DIP2B: variants seen among roughly 807,000 people sequenced by gnomAD.
DIP2B encodes the protein DIP2 acetate--CoA ligase B (putative), also known as disco-interacting protein 2 homolog B.
DIP2B carries 76 observed loss-of-function variants against 198.0 expected under a neutral mutation model. The observed-to-expected ratio is 0.38, with a 90% CI of 0.32 to 0.46. The LOEUF is 0.46. Among genes scored for constraint, DIP2B ranks in the 20% least tolerant of loss-of-function variants. DIP2B has a pLI of 0.99. For synonymous variants in DIP2B, 701 were observed against 739.1 expected (o/e 0.95, Z 0.84); for missense variants, 1,559 against 1,978.4 (o/e 0.79, Z 4.02).
Position 50,745,091 on chromosome 12 carries a change from C to T in DIP2B, c.*252C>T. 2 of 481,908 alleles carry T rather than the reference C, an allele frequency of 4.2e-6. No individual in the cohort carries two copies. Among genetic ancestry groups the T allele is most frequent in the Middle Eastern group, 5.6e-4 (1 of 1,772 alleles). 29.9% of individuals were successfully genotyped at this position (481,908 alleles called of 1,614,324 possible). The stretch of plus-strand genomic sequence containing the variant: ...GAGCAGCACATTACTAAAGCAATTA[C>T]ATGCATGTTGCATTTTTTTCATCTG... On this transcript the variant is annotated 3_prime_UTR_variant, in exon 38 of 38. Coordinates refer to ENST00000301180, the MANE Select transcript of DIP2B (RefSeq NM_173602.3).
chr12:50,560,541 A>G (rs192011640), intron 1 of DIP2B, among the ~76,000 whole-genome samples: 18 of 151,922 alleles, frequency 1.2e-4, no homozygotes, highest in Non-Finnish European at 2.6e-4. Flanking sequence ...CTGGGCAACA[A>G]GAGTGAAACT....
At chr12:50,657,716 G>A (rs1225643330) in intron 3 of DIP2B, among the ~76,000 whole-genome samples, 1 of 151,392 alleles carries the variant, frequency 6.6e-6, no homozygotes, top group East Asian at 1.9e-4. Context: ...GAAATATCAA[G>A]CAAGCCAAAA....
At chr12:50,653,822 C>G (rs1031094839) in intron 3 of DIP2B, among the ~76,000 whole-genome samples, 12 of 151,854 alleles carry the variant, frequency 7.9e-5, no homozygotes, top group African/African-American at 2.7e-4. Flanking sequence ...TTTCTCTGTT[C>G]TCTGTTTCAT....
intron 1 of DIP2B, among the ~76,000 whole-genome samples, chr12:50,623,425 ACACACACACACACTCTCT>A (rs1227461721): frequency 0.022 from 1,181 of 52,754 alleles, 6 homozygotes; most frequent in Middle Eastern, 0.071. Flanking sequence ...ACACACACAC[ACACACACACACACTCTCT>A]CTCTCTCTCT....
intron 3 of DIP2B, among the ~76,000 whole-genome samples, chr12:50,652,186 A>G (rs1938467396): frequency 6.6e-6 from 1 of 151,866 alleles, no homozygotes; most frequent in Non-Finnish European, 1.5e-5. Context: ...TGTAGCAGGC[A>G]CCTCTAATCC....
chr12:50,546,458 G>C (rs1291790508), intron 1 of DIP2B, among the ~76,000 whole-genome samples: 1 of 152,232 alleles, frequency 6.6e-6, no homozygotes, highest in Non-Finnish European at 1.5e-5. Context: ...TCACTGAATA[G>C]TAATTGTTGC....
At position 50,731,398 on chromosome 12, in the gene DIP2B, T is replaced by C; in HGVS notation, c.3671T>C (p.Ile1224Thr). 6.2e-7 allele frequency: 1 copy of C among 1,614,154 alleles called. No homozygotes were observed. The highest frequency in any genetic ancestry group is 8.5e-7 in the Non-Finnish European group (1 of 1,179,988). Residue 1224 changes from isoleucine (I) to threonine (T), a missense_variant, in exon 31 of 38, where the codon ATT becomes ACT. Ile to Thr is a moderately conservative substitution (Grantham distance 89). Transcript: ENST00000301180. ...SVYSGHQSVL[I>T]PPMELENNLF... ...TATTCAGGCCACCAGTCTGTCTTAA[T>C]TCCTCCTATGGAGTTAGAGAACAAC...
At chr12:50,716,600 C>G (rs1234313321) in intron 23 of DIP2B, among the ~76,000 whole-genome samples, 2 of 152,180 alleles carry the variant, frequency 1.3e-5, no homozygotes, top group Non-Finnish European at 2.9e-5. Context: ...ACCCTTTACC[C>G]AGCTTCCCCA....
chr12:50,533,637 C>G (rs1332640612), intron 1 of DIP2B, among the ~76,000 whole-genome samples: 1 of 148,006 alleles, frequency 6.8e-6, no homozygotes, highest in East Asian at 2.0e-4. Flanking sequence ...GAGACAGGAT[C>G]TTGCTCTGTT....
At chr12:50,688,153 A>C (rs2139543977) in intron 12 of DIP2B, among the ~76,000 whole-genome samples, 1 of 152,210 alleles carries the variant, frequency 6.6e-6, no homozygotes, top group Non-Finnish European at 1.5e-5. Flanking sequence ...CAGAGGTTGC[A>C]GTGAGCTGAG....
At chr12:50,733,254 CTT>C (rs10538769) in intron 32 of DIP2B, among the ~76,000 whole-genome samples, 84,255 of 137,270 alleles carry the variant, frequency 0.61, 26,153 homozygotes, top group East Asian at 0.72. Context: ...TTTTTTCTTT[CTT>C]TTTTTTTTTT....
chr12:50,565,503 A>G (rs979978515), intron 1 of DIP2B, among the ~76,000 whole-genome samples: 5 of 152,102 alleles, frequency 3.3e-5, no homozygotes, highest in African/African-American at 7.2e-5. Flanking sequence ...TCACTGTGTT[A>G]GCTAGGATGG....
chr12:50,520,406 A>G (rs1306163923), intron 1 of DIP2B, among the ~76,000 whole-genome samples: 1 of 152,190 alleles, frequency 6.6e-6, no homozygotes, highest in Non-Finnish European at 1.5e-5. Context: ...GTTCTTGTTT[A>G]GTAAATCTGT....
chr12:50,577,600 A>G (rs1274452168), intron 1 of DIP2B, among the ~76,000 whole-genome samples: 1 of 151,228 alleles, frequency 6.6e-6, no homozygotes, highest in African/African-American at 2.4e-5. Context: ...TAACAATAAT[A>G]AATTTATTAT....
chr12:50,706,500 A>G, intron 20 of DIP2B, 38 bp from the exon 21 acceptor site: 1 of 1,606,690 alleles, frequency 6.2e-7, no homozygotes, highest in Non-Finnish European at 8.5e-7. Context: ...TTACTATTTA[A>G]ATCATGGAAA....
chr12:50,560,043 G>A (rs950101611), intron 1 of DIP2B, among the ~76,000 whole-genome samples: 1 of 152,082 alleles, frequency 6.6e-6, no homozygotes, highest in Admixed American at 6.5e-5. Context: ...TCGGGAGGCC[G>A]AGGTGGGTGG....
intron 1 of DIP2B, among the ~76,000 whole-genome samples, chr12:50,579,852 C>G (rs777212941): frequency 4.6e-5 from 7 of 151,276 alleles, no homozygotes; most frequent in Non-Finnish European, 8.8e-5. Context: ...CTTATTTCTT[C>G]TCTTTGCCTT....
intron 5 of DIP2B, among the ~76,000 whole-genome samples, chr12:50,671,707 C>A (rs909208953): frequency 3.9e-5 from 6 of 152,146 alleles, no homozygotes; most frequent in Admixed American, 1.3e-4. Flanking sequence ...GAAGAATATT[C>A]GATCTATTAA....
chr12:50,702,557 C>CT (rs1487220943), intron 19 of DIP2B, among the ~76,000 whole-genome samples: 2 of 151,228 alleles, frequency 1.3e-5, no homozygotes, highest in African/African-American at 2.4e-5. Context: ...GCAAAAAACT[C>CT]TGTCTTAAAA....
Sources: gnomAD v4.1 joint callset for allele counts (sites outside exome capture counted in the v4.1 genomes callset) on GRCh38, gnomAD v4.1.1 for gene constraint, MANE v1.5 for transcripts, NCBI Gene and HGNC (gene_info 2026-07-23, HGNC 2026-07-21) for gene names.